The following CD1A variants were observed in gnomAD, a reference collection of about 807,000 sequenced individuals.
The protein encoded by CD1A is T-cell surface glycoprotein CD1a.
A neutral mutation model predicts 38.3 loss-of-function variants in CD1A; 50 were observed. The ratio of observed to expected loss-of-function variants is 1.30; its 90% CI spans 1.04 to 1.65. The LOEUF (loss-of-function observed/expected upper bound fraction) is 1.65, where lower values mean the gene tolerates loss of function less well. Among genes scored for constraint, CD1A ranks in the 40% most tolerant of loss-of-function variants. The pLI is 0.00. For synonymous variants in CD1A, 160 were observed against 150.8 expected, an observed-to-expected ratio of 1.06 and a Z score of -0.45; for missense variants, 459 against 406.1, an observed-to-expected ratio of 1.13 and a Z score of -1.12.
At chr1:158,254,844 C>CA in intron 1 of CD1A, 117 bp downstream of exon 1, 1 of 893,032 alleles carries the variant, frequency 1.1e-6, no homozygotes, top group South Asian at 1.4e-5. Context: ...GTTTCCCTAG[C>CA]ATATACCTGG....
At chr1:158,249,320 G>A in the CD1A span, among the ~76,000 whole-genome samples, 151 of 152,206 alleles carry the variant, frequency 9.9e-4, 1 homozygote, top group Admixed American at 2.0e-3. Flanking sequence ...TCACAGTTTC[G>A]GAGGCTGGGA....
At chr1:158,252,130 C>CG (rs1650107324), upstream of CD1A, among the ~76,000 whole-genome samples, 1 of 139,880 alleles carries the variant, frequency 7.1e-6, no homozygotes, top group African/African-American at 2.7e-5. Context: ...CACCCGGCCA[C>CG]GGTTTTTTTT....
Position 158,256,113 on chromosome 1 carries a change from C to G in CD1A, c.435C>G (p.Asn145Lys). The G allele has an allele frequency of 1.2e-6, 2 of 1,614,164 alleles. No individual in the cohort carries two copies. Among genetic ancestry groups the G allele is most frequent in the South Asian group, 2.2e-5 (2 of 91,076 alleles). Residue 145 changes from asparagine (N) to lysine (K), a missense_variant, in exon 3 of 6, where the codon AAC (asparagine) becomes AAG (lysine). Transcript: ENST00000289429. ...GATCAGACTTTGTGAGCTTCCAGAACAATTCATGGTTGCCATATCCAGTGG... is the reference window on the plus strand; with the variant it reads ...GATCAGACTTTGTGAGCTTCCAGAAGAATTCATGGTTGCCATATCCAGTGG... Reference protein sequence around the residue: ...YQGSDFVSFQNNSWLPYPVAG... With the variant: ...YQGSDFVSFQKNSWLPYPVAG...
rs1173304836 is a variant in CD1A at position 158,257,966 on chromosome 1, T to C, written c.*276T>C. 1 of 447,554 alleles carries C rather than the reference T, an allele frequency of 2.2e-6. No homozygotes were observed. Among genetic ancestry groups the C allele is most frequent in the African/African-American group, 2.0e-5 (1 of 50,704 alleles). 27.7% of individuals were successfully genotyped at this position (447,554 alleles called of 1,614,324 possible). ...TGGGGTCCTAGCAACCTCCACATGT[T>C]CAACTATTAATGGATCATCAGGCCT... is the stretch of plus-strand genomic sequence containing the variant. On this transcript the variant is annotated 3_prime_UTR_variant, in exon 6 of 6. Coordinates refer to ENST00000289429, the MANE Select transcript of CD1A (RefSeq NM_001763.3).
Position 158,255,229 on chromosome 1 carries a change from C to T in CD1A, c.204C>T (p.Cys68=), listed in dbSNP as rs2269715. 5 of 1,613,934 alleles carry T rather than the reference C, an allele frequency of 3.1e-6. No individual in the cohort carries two copies. In the South Asian group the frequency reaches 3.3e-5, roughly 11 times the overall value. ...ATTCCAGCACCATCGTTTTCCTGTG[C>T]CCCTGGTCCAGGGGAAACTTCAGCA... ...DSNSSTIVFL[C]PWSRGNFSNE... Residue 68 remains cysteine, a synonymous_variant, in exon 2 of 6, where the codon TGC becomes TGT. Transcript: ENST00000289429.
intron 1 of CD1A, 79 bp downstream of exon 1, chr1:158,254,806 T>C: frequency 1.1e-6 from 1 of 880,582 alleles, no homozygotes; most frequent in Non-Finnish European, 1.9e-6. Flanking sequence ...TGTGTGTGTG[T>C]GTGTGTGTGT....
In CD1A at chr1:158,255,124, A is replaced by G. The variant is rs771647135; in HGVS notation, c.99A>G (p.Ala33=). Residue 33 remains alanine, a synonymous_variant, in exon 2 of 6, where the codon GCA becomes GCG. Transcript: ENST00000289429. ...TCTCCTTCCATGTCACCTGGATCGC[A>G]TCCTTTTACAACCATTCCTGGAAAC... is the stretch of plus-strand genomic sequence containing the variant. The part of the protein sequence containing the change: ...EPLSFHVTWI[A]SFYNHSWKQN... 1 of 1,613,856 alleles carries G rather than the reference A, an allele frequency of 6.2e-7. No homozygotes were observed. Among genetic ancestry groups the G allele is most frequent in the African/African-American group, 1.3e-5 (1 of 74,804 alleles).
At position 158,255,178 on chromosome 1, in the gene CD1A, T is replaced by G. The variant is rs371301715; in HGVS notation, c.153T>G (p.Asp51Glu). The part of the protein sequence containing the change: ...KQNLVSGWLS[D>E]LQTHTWDSNS... ...ATCTGGTCTCAGGTTGGCTGAGTGA[T>G]TTGCAGACTCATACCTGGGACAGCA... Residue 51 changes from aspartate to glutamate, a missense_variant, in exon 2 of 6, where the codon GAT becomes GAG. Coordinates refer to ENST00000289429, the MANE Select transcript of CD1A (RefSeq NM_001763.3). 5.6e-6 allele frequency: 9 copies of G among 1,614,142 alleles called. No individual in the cohort carries two copies. Among genetic ancestry groups the G allele is most frequent in the Admixed American group, 1.7e-5 (1 of 60,012 alleles).
In CD1A at chr1:158,256,170, GCT is replaced by G. The variant is rs1240019829; in HGVS notation, c.494_495del (p.Leu165GlnfsTer6). On this transcript the variant is annotated frameshift_variant, in exon 3 of 6. Transcript: ENST00000289429. LOFTEE classifies it high-confidence loss of function. ...ATATGGCCAAGCATTTCTGCAAAGT[GCT>G]CAATCAGAATCAGCATGAAAATGAC... ...GNMAKHFCKV[L>X]NQNQHENDIT... 5 of 1,614,020 alleles carry G rather than the reference GCT, an allele frequency of 3.1e-6. No individual in the cohort carries two copies. The highest frequency in any genetic ancestry group is 4.2e-6 in the Non-Finnish European group (5 of 1,180,024).
upstream of CD1A, among the ~76,000 whole-genome samples, chr1:158,250,285 A>G (rs1650051113): frequency 6.6e-6 from 1 of 152,190 alleles, no homozygotes; most frequent in Admixed American, 6.5e-5. Flanking sequence ...GGGGAGGTGA[A>G]GTGATGGGAG....
chr1:158,255,827 C>A (rs751595903), intron 2 of CD1A, among the ~76,000 whole-genome samples, 177 bp from the exon 3 acceptor site: 4 of 152,190 alleles, frequency 2.6e-5, no homozygotes, highest in Non-Finnish European at 4.4e-5. Context: ...TGTTATTAAT[C>A]TTTTCCTCCA....
chr1:158,256,929 G>A lies in CD1A; in HGVS notation c.748G>A (p.Gly250Arg), dbSNP rs369993390. Residue 250 changes from glycine (G) to arginine (R), a missense_variant, in exon 4 of 6, where the codon GGG (glycine) becomes AGG (arginine). Transcript: ENST00000289429. ...GEQEQQGTQR[G>R]DILPSADGTW... The stretch of plus-strand genomic sequence containing the variant: ...GCAGGAGCAGCAGGGCACTCAGCGA[G>A]GGGACATCTTGCCCAGTGCTGATGG... The A allele has an allele frequency of 2.5e-6, 4 of 1,614,080 alleles. No homozygotes were observed. In the African/African-American group the frequency reaches 4.0e-5, roughly 16 times the overall value.
At chr1:158,251,941 C>T (rs548769761), upstream of CD1A, among the ~76,000 whole-genome samples, 110 of 151,954 alleles carry the variant, frequency 7.2e-4, no homozygotes, top group Non-Finnish European at 1.3e-3. Flanking sequence ...ACTGCAACCT[C>T]CGCCTCCCGG....
At position 158,254,783 on chromosome 1, in the gene CD1A, CTCTG is replaced by C. The variant is rs1226670064; in HGVS notation, c.58+58_58+61del. ...GGTGGGTGAAGGTCTCTCTCTCTCT[CTCTG>C]TGTGTGTGTGTGTGTGTGTGTGTGT... On this transcript the variant is annotated intron_variant, in intron 1 of 5. Transcript: ENST00000289429. 2.1e-4 allele frequency: 197 copies of C among 918,166 alleles called. 1 individual carries two copies. Among genetic ancestry groups the C allele is most frequent in the African/African-American group, 2.1e-3 (102 of 49,414 alleles). 56.9% of individuals were successfully genotyped at this position (918,166 alleles called of 1,614,324 possible).
chr1:158,255,978 C>T (rs1448126025), intron 2 of CD1A, 26 bp from the exon 3 acceptor site: 4 of 1,590,424 alleles, frequency 2.5e-6, no homozygotes, highest in Admixed American at 3.5e-5. Flanking sequence ...TTTTTTCTCC[C>T]TCTTTCCTCT....
In CD1A at chr1:158,257,419, A is replaced by G. The variant is rs749054615; in HGVS notation, c.884-2A>G. On this transcript the variant is annotated splice_acceptor_variant, in intron 4 of 5. Transcript: ENST00000289429. LOFTEE classifies it high-confidence loss of function. ...ATCCTTGGTGTCTCCCCAAATTCACAGAGCATCACAGTTCCGTGGGCTTCA... is the reference window on the plus strand; with the variant it reads ...ATCCTTGGTGTCTCCCCAAATTCACGGAGCATCACAGTTCCGTGGGCTTCA... The G allele has an allele frequency of 3.7e-6, 6 of 1,610,806 alleles. No individual in the cohort carries two copies. In the East Asian group the frequency reaches 1.1e-4, roughly 30 times the overall value.
chr1:158,252,475 CT>C (rs1439998229), upstream of CD1A, among the ~76,000 whole-genome samples: 1 of 152,044 alleles, frequency 6.6e-6, no homozygotes. Context: ...TCCATCTGTC[CT>C]TTGAGGAGTC....
chr1:158,254,334 G>C, upstream of CD1A: 1 of 1,177,256 alleles, frequency 8.5e-7, no homozygotes, highest in Non-Finnish European at 1.1e-6. Context: ...CTTATTGTAT[G>C]ATTGAGAAAA....
At chr1:158,257,305 T>C (rs1650293936) in intron 4 of CD1A, 116 bp from the exon 5 acceptor site, 1 of 970,026 alleles carries the variant, frequency 1.0e-6, no homozygotes, top group Non-Finnish European at 1.6e-6. Flanking sequence ...AAAAGGAGAT[T>C]GGTAAGTTGG....
Sources: gnomAD v4.1 joint callset for allele counts (sites outside exome capture counted in the v4.1 genomes callset) on GRCh38, gnomAD v4.1.1 for gene constraint, MANE v1.5 for transcripts, NCBI Gene and HGNC (gene_info 2026-07-23, HGNC 2026-07-21) for gene names.